TTN: variants seen among roughly 807,000 people sequenced by gnomAD.
The protein encoded by TTN is connectin.
TTN carries 1,525 observed loss-of-function variants against 3,223.0 expected under a neutral mutation model. The observed-to-expected ratio is 0.47, with a 90% CI of 0.45 to 0.49. The LOEUF (loss-of-function observed/expected upper bound fraction) is 0.49. Ranked by LOEUF, TTN falls within the 20% of genes least tolerant of loss-of-function variation. The probability of loss-of-function intolerance (pLI) is 0.00; values close to 1 mark genes in which losing one functional copy is unlikely to be tolerated. For missense variants in TTN, 40,786 were observed against 43,424.0 expected, an observed-to-expected ratio of 0.94 and a Z score of 5.40; for synonymous variants, 14,094 against 15,161.0, an observed-to-expected ratio of 0.93 and a Z score of 5.17.
chr2:178,707,051 A>G (rs1226665940), intron 100 of TTN, 97 bp from the exon 101 acceptor site: 2 of 1,044,484 alleles, frequency 1.9e-6, no homozygotes, highest in East Asian at 2.6e-5. Context: ...TGGCAGTTTG[A>G]TAAGTAAGTA....
At chr2:178,652,382 T>G (rs746430097) in intron 202 of TTN, 35 bp from the exon 203 acceptor site, 19 of 1,613,344 alleles carry the variant, frequency 1.2e-5, no homozygotes, top group Non-Finnish European at 1.6e-5. Flanking sequence ...ATTTAGGCAT[T>G]ATGAAGACCA....
In TTN at chr2:178,537,091, G is replaced by T. The variant is rs558954116; in HGVS notation, c.100018C>A (p.Gln33340Lys). 1.2e-5 allele frequency: 20 copies of T among 1,613,214 alleles called. No homozygotes were observed. In the Middle Eastern group the frequency reaches 4.9e-4, roughly 40 times the overall value. Reference protein sequence around the residue: ...KCEAKEGAEWQLVSSAISVTT... With the variant: ...KCEAKEGAEWKLVSSAISVTT... ...ACTGAGATGGCTGAAGACACCAATT[G>T]CCATTCAGCCCCCTCCTTGGCCTCA... is the stretch of plus-strand genomic sequence containing the variant. Residue 33340 changes from glutamine to lysine, a missense_variant, in exon 356 of 363, where the codon CAA becomes AAA. Coordinates refer to ENST00000589042, the MANE Select transcript of TTN (RefSeq NM_001267550.2).
chr2:178,528,416 A>C lies in TTN; in HGVS notation c.107235T>G (p.Ser35745=). ...WFKNNLPISI[S]SNVSISRSRN... is the part of the protein sequence containing the mutation. ...TGGAGCGGCTTATGCTGACATTTGA[A>C]GAAATAGAAATCTAAGACAAAGGAA... The change falls in exon 361 of 363, where the codon TCT becomes TCG. Residue 35745 remains serine (S), a synonymous_variant. Transcript: ENST00000589042. 6.2e-7 allele frequency: 1 copy of C among 1,612,942 alleles called. No homozygotes were observed. The highest frequency in any genetic ancestry group is 1.1e-5 in the South Asian group (1 of 90,604).
rs777498687 is a variant in TTN at position 178,689,553 on chromosome 2, G to C, written c.31889C>G (p.Thr10630Ser). ...QKGVVTEEKI[T>S]IVTQREESPP... ...AGATTCCTCTCTTTGAGTTACAATG[G>C]TTATTTTTTCTTCTGTCACAACTCC... Residue 10630 changes from threonine to serine, a missense_variant, in exon 123 of 363, where the codon ACC (threonine) becomes AGC (serine). Physicochemically the swap from Thr to Ser is moderately conservative, Grantham distance 58. Coordinates refer to ENST00000589042, the MANE Select transcript of TTN (RefSeq NM_001267550.2). The C allele has an allele frequency of 6.2e-7, 1 of 1,610,076 alleles. No individual in the cohort carries two copies. Among genetic ancestry groups the C allele is most frequent in the African/African-American group, 1.3e-5 (1 of 74,838 alleles).
rs2049986992 is a variant in TTN at position 178,590,540 on chromosome 2, A to G, written c.61185T>C (p.Pro20395=). 1 of 1,612,890 alleles carries G rather than the reference A, an allele frequency of 6.2e-7. No homozygotes were observed. The highest frequency in any genetic ancestry group is 8.5e-7 in the Non-Finnish European group (1 of 1,179,332). The change falls in exon 304 of 363, where the codon CCT becomes CCC. Residue 20395 remains proline (P), a synonymous_variant. Coordinates refer to ENST00000589042, the MANE Select transcript of TTN (RefSeq NM_001267550.2). Reference sequence around the variant, plus strand: ...GAATGGGGCTACCACCATCACTGAGAGGCTTTGTCCACACCAAATCAGCTG... The same window carrying G: ...GAATGGGGCTACCACCATCACTGAGGGGCTTTGTCCACACCAAATCAGCTG... ...RETADLVWTK[P]LSDGGSPILG... is the part of the protein sequence containing the mutation.
In TTN at chr2:178,730,583, T is replaced by G; in HGVS notation, c.17950A>C (p.Thr5984Pro). The G allele has an allele frequency of 6.2e-7, 1 of 1,613,664 alleles. No individual in the cohort carries two copies. Among genetic ancestry groups the G allele is most frequent in the Non-Finnish European group, 8.5e-7 (1 of 1,179,660 alleles). ...AFLEISQLEGTDSGTYTCSAT... is the reference protein window; with the variant it reads ...AFLEISQLEGPDSGTYTCSAT... ...GAACAAGTGTATGTCCCACTGTCTG[T>G]ACCTTCCAGCTGGCTGATTTCCAAG... The change falls in exon 61 of 363, where the codon ACA (threonine) becomes CCA (proline). Residue 5984 changes from threonine (T) to proline (P), a missense_variant. Coordinates refer to ENST00000589042, the MANE Select transcript of TTN (RefSeq NM_001267550.2).
chr2:178,575,835 A>C lies in TTN; in HGVS notation c.70297T>G (p.Leu23433Val). 6.2e-7 allele frequency: 1 copy of C among 1,613,558 alleles called. No homozygotes were observed. Among genetic ancestry groups the C allele is most frequent in the South Asian group, 1.1e-5 (1 of 91,074 alleles). The change falls in exon 326 of 363, where the codon TTG (leucine) becomes GTG (valine). Residue 23433 changes from leucine (L) to valine (V), a missense_variant. Transcript: ENST00000589042. This position sits in a 1 kb window ranked among gnomAD's most constrained non-coding sequence, Gnocchi z 4.0. ...TTGAGGACTGGGCCTGGCGTGTCCA[A>C]GACTCTGACGTTCACAAAGCCACTT... ...KKSGFVNVRVLDTPGPVLNLR... is the reference protein window; with the variant it reads ...KKSGFVNVRVVDTPGPVLNLR...
chr2:178,578,505 G>A (rs1006567441), intron 321 of TTN, 106 bp downstream of exon 321: 6 of 852,116 alleles, frequency 7.0e-6, no homozygotes, highest in Admixed American at 2.6e-5. Flanking sequence ...ACACATTTCT[G>A]TATAAGCAGA....
rs1274863294 is a variant in TTN, at chr2:178,663,920, A to C, written c.36365-18T>G. The C allele has an allele frequency of 6.2e-7, 1 of 1,612,784 alleles. No individual in the cohort carries two copies. Among genetic ancestry groups the C allele is most frequent in the African/African-American group, 1.3e-5 (1 of 74,696 alleles). On this transcript the variant is annotated intron_variant, in intron 169 of 362. Coordinates refer to ENST00000589042, the MANE Select transcript of TTN (RefSeq NM_001267550.2). ...TTCTGGCACTTGAAAGATATTAGTG[A>C]AATTACATTTAGGTGTTATGAAGAC...
rs1179223519 is a variant in TTN, at chr2:178,567,351, C to A, written c.78781G>T (p.Gly26261Cys). 3 of 1,597,102 alleles carry A rather than the reference C, an allele frequency of 1.9e-6. No individual in the cohort carries two copies. Among genetic ancestry groups the A allele is most frequent in the Non-Finnish European group, 2.6e-6 (3 of 1,173,964 alleles). Residue 26261 changes from glycine to cysteine, a missense_variant, in exon 326 of 363, where the codon GGT becomes TGT. By Grantham distance (159) the Gly-to-Cys change is radical. Transcript: ENST00000589042. Reference sequence around the variant, plus strand: ...GAAGCTCTTAAAATATACTGCCCACCATCAATTCTAATTGCATCTTTTACA... The same window carrying A: ...GAAGCTCTTAAAATATACTGCCCACAATCAATTCTAATTGCATCTTTTACA... ...LIVKDAIRID[G>C]GQYILRASNV...
chr2:178,757,802 C>A lies in TTN; in HGVS notation c.10418G>T (p.Ser3473Ile), dbSNP rs1574398380. The part of the protein sequence containing the change: ...QKPSFIQPLS[S>I]LRVHNGETVR... ...TGTCTCCCCGTTGTGCACCCTGAGG[C>A]TTGACAGAGGCTGGATGAAGCTGGG... The change falls in exon 45 of 363, where the codon AGC (serine) becomes ATC (isoleucine). Residue 3473 changes from serine to isoleucine, a missense_variant. By Grantham distance (142) the Ser-to-Ile change is moderately radical. Coordinates refer to ENST00000589042, the MANE Select transcript of TTN (RefSeq NM_001267550.2). The A allele has an allele frequency of 6.2e-7, 1 of 1,612,532 alleles. No individual in the cohort carries two copies. The highest frequency in any genetic ancestry group is 1.7e-5 in the Admixed American group (1 of 59,966).
chr2:178,645,484 C>T (rs1451324370), intron 217 of TTN, among the ~76,000 whole-genome samples: 1 of 151,994 alleles, frequency 6.6e-6, no homozygotes, highest in Non-Finnish European at 1.5e-5. Flanking sequence ...TATTTAAAAG[C>T]ACATGCAATT....
In TTN at chr2:178,678,799, C is replaced by A; in HGVS notation, c.33774G>T (p.Glu11258Asp). Residue 11258 changes from glutamate (E) to aspartate (D), a missense_variant, in exon 143 of 363, where the codon GAG (glutamate) becomes GAT (aspartate). Transcript: ENST00000589042. Reference sequence around the variant, plus strand: ...TAGGAACTGGTACTGGTACTTTCTCCTCTGGCACAGGTTTCTTGGGCACTT... The same window carrying A: ...TAGGAACTGGTACTGGTACTTTCTCATCTGGCACAGGTTTCTTGGGCACTT... ...VPEVPKKPVPEEKVPVPVPKK... is the reference protein window; with the variant it reads ...VPEVPKKPVPDEKVPVPVPKK... 1 of 1,603,258 alleles carries A rather than the reference C, an allele frequency of 6.2e-7. No homozygotes were observed. The highest frequency in any genetic ancestry group is 2.3e-5 in the East Asian group (1 of 44,430).
Position 178,530,063 on chromosome 2 carries a change from G to GA in TTN, c.106427dup (p.Glu35478ArgfsTer4), listed in dbSNP as rs1464134014. On this transcript the variant is annotated frameshift_variant, in exon 359 of 363. Coordinates refer to ENST00000589042, the MANE Select transcript of TTN (RefSeq NM_001267550.2). LOFTEE classifies it high-confidence loss of function. ...AAGTATCAGTCTTATGAATTTCTAA[G>GA]AAGAACCCTCCCTTGTCTTCAGAGA... is the stretch of plus-strand genomic sequence containing the variant. 6.2e-7 allele frequency: 1 copy of GA among 1,611,516 alleles called. No individual in the cohort carries two copies. The highest frequency in any genetic ancestry group is 8.5e-7 in the Non-Finnish European group (1 of 1,179,252).
At position 178,756,570 on chromosome 2, in the gene TTN, C is replaced by T; in HGVS notation, c.10906G>A (p.Ala3636Thr). The change falls in exon 46 of 363, where the codon GCA becomes ACA. Residue 3636 changes from alanine to threonine, a missense_variant. Coordinates refer to ENST00000589042, the MANE Select transcript of TTN (RefSeq NM_001267550.2). ...SVQDTQLCHT[A>T]SLSQIAESTE... ...CTTTCTGCAATTTGTGAAAGGGATGCAGTATGGCACAACTGTGTATCTTGA... is the reference window on the plus strand; with the variant it reads ...CTTTCTGCAATTTGTGAAAGGGATGTAGTATGGCACAACTGTGTATCTTGA... The T allele has an allele frequency of 6.2e-7, 1 of 1,611,368 alleles. No homozygotes were observed. The highest frequency in any genetic ancestry group is 1.7e-5 in the Admixed American group (1 of 59,872).
chr2:178,695,066 T>G (rs1196654620), intron 115 of TTN, among the ~76,000 whole-genome samples, 160 bp from the exon 116 acceptor site: 1 of 151,936 alleles, frequency 6.6e-6, no homozygotes, highest in South Asian at 2.1e-4. Context: ...GTTCGGTTTT[T>G]TTTTCTTTGA....
intron 282 of TTN, among the ~76,000 whole-genome samples, 192 bp downstream of exon 282, chr2:178,603,684 A>T (rs2054051529): frequency 1.3e-5 from 2 of 152,002 alleles, no homozygotes; most frequent in African/African-American, 4.8e-5. Flanking sequence ...GTATGTGTGT[A>T]TGTATATATC....
chr2:178,725,946 C>A lies in TTN; in HGVS notation c.20376G>T (p.Val6792=). 1.2e-6 allele frequency: 2 copies of A among 1,612,648 alleles called. No individual in the cohort carries two copies. The highest frequency in any genetic ancestry group is 1.7e-6 in the Non-Finnish European group (2 of 1,179,202). The stretch of plus-strand genomic sequence containing the variant: ...GTTGCCGCTTGTCTTTGTACCATAC[C>A]ACCTCAAACGGTGGTGTTCCCGAAA... The part of the protein sequence containing the change: ...CELSGTPPFE[V]VWYKDKRQLR... Residue 6792 remains valine (V), a synonymous_variant, in exon 70 of 363, where the codon GTG becomes GTT. Transcript: ENST00000589042.
Position 178,537,627 on chromosome 2 carries a change from G to A in TTN, c.99580C>T (p.Pro33194Ser), listed in dbSNP as rs757541432. 2.5e-6 allele frequency: 4 copies of A among 1,613,722 alleles called. No homozygotes were observed. The highest frequency in any genetic ancestry group is 3.4e-6 in the Non-Finnish European group (4 of 1,179,706). Residue 33194 changes from proline to serine, a missense_variant, in exon 355 of 363, where the codon CCG (proline) becomes TCG (serine). Pro to Ser is a moderately conservative substitution (Grantham distance 74). Coordinates refer to ENST00000589042, the MANE Select transcript of TTN (RefSeq NM_001267550.2). ...AGTGGGTAACCAGGATGGAACTGCG[G>A]TGTTGCTTGCAGGAGAAGCTTACTA... ...TSSKLLLQAT[P>S]QFHPGYPLKE...
Sources: allele counts gnomAD v4.1 joint callset (sites outside exome capture counted in the v4.1 genomes callset), GRCh38; gene constraint gnomAD v4.1.1; non-coding constraint Gnocchi (gnomAD v3.1); transcripts MANE v1.5; gene names NCBI Gene and HGNC (gene_info 2026-07-23, HGNC 2026-07-21).